The following NMNAT1 variants were observed in gnomAD, a reference collection of about 807,000 sequenced individuals.
NMNAT1 encodes the protein nicotinamide/nicotinic acid mononucleotide adenylyltransferase 1.
In NMNAT1, 11 loss-of-function variants were observed where a neutral mutation model predicts 16.7. The ratio of observed to expected loss-of-function variants is 0.66; its 90% CI spans 0.41 to 1.09. The LOEUF (loss-of-function observed/expected upper bound fraction) is 1.09. Among genes scored for constraint, NMNAT1 ranks in the 50% least tolerant of loss-of-function variants. The pLI is 0.00. For missense variants in NMNAT1, 280 were observed against 332.3 expected, an observed-to-expected ratio of 0.84 and a Z score of 1.22; for synonymous variants, 110 against 119.8, an observed-to-expected ratio of 0.92 and a Z score of 0.53.
At chr1:9,989,644 C>T (rs1192195623), downstream of NMNAT1, among the ~76,000 whole-genome samples, 1 of 152,148 alleles carries the variant, frequency 6.6e-6, no homozygotes, top group Non-Finnish European at 1.5e-5. Flanking sequence ...ATCCTCCTTT[C>T]AGCTCCTCTT....
At chr1:9,957,897 G>A (rs1189679114) in intron 1 of NMNAT1, among the ~76,000 whole-genome samples, 3 of 152,124 alleles carry the variant, frequency 2.0e-5, no homozygotes, top group Non-Finnish European at 2.9e-5. Context: ...CAGGTCGGGC[G>A]TGCCTGTCAC....
intron 1 of NMNAT1, among the ~76,000 whole-genome samples, chr1:9,952,163 A>G (rs1486616951): frequency 2.0e-5 from 3 of 152,062 alleles, no homozygotes; most frequent in Non-Finnish European, 2.9e-5. Flanking sequence ...TTAGCCGGGC[A>G]TGGTGGCGGG....
chr1:9,952,020 C>G (rs1641125526), intron 1 of NMNAT1, among the ~76,000 whole-genome samples: 1 of 152,038 alleles, frequency 6.6e-6, no homozygotes, highest in Non-Finnish European at 1.5e-5. Flanking sequence ...TTTAGAAATT[C>G]TTTGTTTATG....
chr1:9,958,345 A>G (rs191291492), intron 1 of NMNAT1, among the ~76,000 whole-genome samples: 17 of 152,270 alleles, frequency 1.1e-4, no homozygotes, highest in African/African-American at 4.1e-4. Context: ...ATAAAATTCT[A>G]TCTAATAATA....
At chr1:9,974,015 T>C (rs1641750600) in intron 2 of NMNAT1, among the ~76,000 whole-genome samples, 1 of 152,012 alleles carries the variant, frequency 6.6e-6, no homozygotes, top group Non-Finnish European at 1.5e-5. Flanking sequence ...TTTTTGTATT[T>C]TTAGTAGAAA....
intron 2 of NMNAT1, among the ~76,000 whole-genome samples, chr1:9,974,947 A>G (rs1272653479): frequency 6.6e-6 from 1 of 152,220 alleles, no homozygotes; most frequent in Non-Finnish European, 1.5e-5. Context: ...CTAGGTGGAC[A>G]ATACAAATTA....
At chr1:9,976,916 T>TC (rs1429329734) in intron 3 of NMNAT1, among the ~76,000 whole-genome samples, 9 of 150,824 alleles carry the variant, frequency 6.0e-5, no homozygotes, top group African/African-American at 2.2e-4. Flanking sequence ...TCTTTTCTTT[T>TC]TTTTTTTGAG....
At position 9,982,398 on chromosome 1, in the gene NMNAT1, C is replaced by G. The variant is rs556983911; in HGVS notation, c.537C>G (p.Ala179=). 6.2e-7 allele frequency: 1 copy of G among 1,614,064 alleles called. No individual in the cohort carries two copies. Among genetic ancestry groups the G allele is most frequent in the East Asian group, 2.2e-5 (1 of 44,878 alleles). ...WKSEDITQIV[A]NYGLICVTRA... Reference sequence around the variant, plus strand: ...GTGAAGACATCACCCAAATCGTGGCCAACTATGGGCTCATATGTGTTACTC... The same window carrying G: ...GTGAAGACATCACCCAAATCGTGGCGAACTATGGGCTCATATGTGTTACTC... The change falls in exon 5 of 5, where the codon GCC becomes GCG. Residue 179 remains alanine, a synonymous_variant. Coordinates refer to ENST00000377205, the MANE Select transcript of NMNAT1 (RefSeq NM_022787.4).
intron 2 of NMNAT1, chr1:9,972,494 C>CAAA (rs34232396): frequency 0.026 from 3,741 of 142,982 alleles, 97 homozygotes; most frequent in African/African-American, 0.058. Flanking sequence ...GACACCATCT[C>CAAA]AAAAAAAAAA....
chr1:9,975,848 A>G lies in NMNAT1; in HGVS notation c.299+73A>G, dbSNP rs1336213359. On this transcript the variant is annotated intron_variant, in intron 3 of 4. Transcript: ENST00000377205. Reference sequence around the variant, plus strand: ...CGGCTTATGTTTTTACCATGTTTCAATGTTGCTTACATCTGTGAACATACA... The same window carrying G: ...CGGCTTATGTTTTTACCATGTTTCAGTGTTGCTTACATCTGTGAACATACA... The G allele has an allele frequency of 9.7e-6, 12 of 1,235,696 alleles. No individual in the cohort carries two copies. The Admixed American group carries it at 2.1e-4, about 21-fold the overall frequency. 76.5% of individuals were successfully genotyped at this position (1,235,696 alleles called of 1,614,324 possible).
chr1:9,964,183 C>G (rs981458203), intron 1 of NMNAT1, among the ~76,000 whole-genome samples: 10 of 151,654 alleles, frequency 6.6e-5, no homozygotes, highest in African/African-American at 1.9e-4. Context: ...TGAGCTACCA[C>G]ACCGGGCCGA....
rs2101719777 is a variant in NMNAT1, at chr1:9,984,848, G to A, written c.*2147G>A. On this transcript the variant is annotated 3_prime_UTR_variant, in exon 5 of 5. Coordinates refer to ENST00000377205, the MANE Select transcript of NMNAT1 (RefSeq NM_022787.4). ...AGCAGGCCTTTCAGATAAGAGAAGT[G>A]GCTTTTCCTTGGTGATGAAGGGGTA... The A allele has an allele frequency of 6.6e-6, 1 of 152,264 alleles. No individual in the cohort carries two copies. The highest frequency in any genetic ancestry group is 2.1e-4 in the South Asian group (1 of 4,814). The allele number at this position is 152,264 out of a possible 1,614,324, so 9.4% of individuals were successfully genotyped here.
At chr1:9,995,921 C>T in the NMNAT1 span, among the ~76,000 whole-genome samples, 6 of 151,626 alleles carry the variant, frequency 4.0e-5, no homozygotes, top group East Asian at 2.0e-4. Flanking sequence ...CCCAGCTACT[C>T]GGGAGGCTGA....
At chr1:9,965,171 G>A (rs1489198460) in intron 1 of NMNAT1, among the ~76,000 whole-genome samples, 1 of 150,610 alleles carries the variant, frequency 6.6e-6, no homozygotes, top group Non-Finnish European at 1.5e-5. Context: ...ACAAAAATTA[G>A]CTGGGTGTGG....
intron 1 of NMNAT1, among the ~76,000 whole-genome samples, chr1:9,956,731 CTT>C (rs1269404630): frequency 1.5e-4 from 18 of 119,340 alleles, no homozygotes; most frequent in Non-Finnish European, 1.1e-4. Context: ...CCTTGTTTAC[CTT>C]TTTTTTTTTT....
Position 9,981,078 on chromosome 1 carries a change from A to T in NMNAT1, c.347A>T (p.Asn116Ile), listed in dbSNP as rs749319971. Residue 116 changes from asparagine to isoleucine, a missense_variant, in exon 4 of 5, where the codon AAC (asparagine) becomes ATC (isoleucine). Physicochemically the swap from Asn to Ile is moderately radical, Grantham distance 149. Coordinates refer to ENST00000377205, the MANE Select transcript of NMNAT1 (RefSeq NM_022787.4). ...GCTAGTGACTGTGATCACCAGCAGA[A>T]CTCACCTACTCTAGAAAGGCCTGGA... ...LEASDCDHQQ[N>I]SPTLERPGRK... The T allele has an allele frequency of 1.9e-6, 3 of 1,613,608 alleles. No individual in the cohort carries two copies. In the South Asian group the frequency reaches 3.3e-5, roughly 18 times the overall value.
downstream of NMNAT1, among the ~76,000 whole-genome samples, chr1:9,989,878 G>A (rs1642088922): frequency 6.6e-6 from 1 of 152,182 alleles, no homozygotes; most frequent in Non-Finnish European, 1.5e-5. Context: ...TTCAGGGGTT[G>A]CAGGCACCCT....
At chr1:9,955,403 CAAAAAAAAA>C (rs71583829) in intron 1 of NMNAT1, among the ~76,000 whole-genome samples, 1 of 90,822 alleles carries the variant, frequency 1.1e-5, no homozygotes, top group Non-Finnish European at 2.0e-5. Flanking sequence ...GACTTTGTCT[CAAAAAAAAA>C]AAAAAAAAAA....
chr1:9,943,489 C>T lies in NMNAT1; in HGVS notation c.-83C>T, dbSNP rs1242184084. 2.6e-5 allele frequency: 4 copies of T among 152,374 alleles called. No individual in the cohort carries two copies. The highest frequency in any genetic ancestry group is 4.4e-5 in the Non-Finnish European group (3 of 68,170). 9.4% of individuals were successfully genotyped at this position (152,374 alleles called of 1,614,324 possible). On this transcript the variant is annotated 5_prime_UTR_variant, in exon 1 of 5. Transcript: ENST00000377205. ...GGGCCGCTGGTGATCTCCGGTAGCACTCGGGCCGGCGGACAGTGAGGGCGC... is the reference window on the plus strand; with the variant it reads ...GGGCCGCTGGTGATCTCCGGTAGCATTCGGGCCGGCGGACAGTGAGGGCGC...
Sources: gnomAD v4.1 joint callset for allele counts (sites outside exome capture counted in the v4.1 genomes callset) on GRCh38, gnomAD v4.1.1 for gene constraint, MANE v1.5 for transcripts, NCBI Gene and HGNC (gene_info 2026-07-23, HGNC 2026-07-21) for gene names.